Variants in RGSL1 observed in about 807,000 individuals in gnomAD.
The protein encoded by RGSL1 is regulator of G protein signaling protein-like.
A neutral mutation model predicts 124.7 loss-of-function variants in RGSL1; 97 were observed. The observed-to-expected ratio is 0.78, with a 90% CI of 0.66 to 0.92. The LOEUF (loss-of-function observed/expected upper bound fraction) is 0.92. RGSL1 is among the 40% of genes least tolerant of loss of function. The pLI is 0.00. For missense variants in RGSL1, 1,233 were observed against 1,288.4 expected, an observed-to-expected ratio of 0.96 and a Z score of 0.66; for synonymous variants, 424 against 438.1, an observed-to-expected ratio of 0.97 and a Z score of 0.40.
At chr1:182,539,448 A>G (rs3894192) in intron 14 of RGSL1, among the ~76,000 whole-genome samples, 78,194 of 151,404 alleles carry the variant, frequency 0.52, 20,399 homozygotes, top group Non-Finnish European at 0.55. Flanking sequence ...ATACAACACT[A>G]AACCAAAAGG....
chr1:182,453,914 T>C (rs1328694827), intron 1 of RGSL1, 44 bp from the exon 2 acceptor site: 6 of 1,076,670 alleles, frequency 5.6e-6, no homozygotes, highest in Non-Finnish European at 8.3e-6. Context: ...CTGAATGCAA[T>C]TCTGGTTCAT....
chr1:182,529,983 A>G (rs1659043213), intron 11 of RGSL1, among the ~76,000 whole-genome samples: 1 of 152,162 alleles, frequency 6.6e-6, no homozygotes, highest in South Asian at 2.1e-4. Context: ...TCCTTTAAAA[A>G]TGTATTTCCC....
intron 1 of RGSL1, among the ~76,000 whole-genome samples, chr1:182,452,579 A>G (rs1170948703): frequency 2.2e-4 from 33 of 151,656 alleles, no homozygotes; most frequent in Admixed American, 2.2e-3. Context: ...CAGCCTCCCA[A>G]GTAGTTGGGA....
In RGSL1 at chr1:182,459,945, A is replaced by AT. The variant is rs202209682; in HGVS notation, c.172-52dup. The stretch of plus-strand genomic sequence containing the variant: ...GATTAGTTGCCACTTACTAAGTTGT[A>AT]TTTTTTTAGCAGTTCGGTTTCACTT... On this transcript the variant is annotated intron_variant, in intron 3 of 21. Coordinates refer to ENST00000294854, the MANE Select transcript of RGSL1 (RefSeq NM_001137669.2). 1,619 of 1,524,706 alleles carry AT rather than the reference A, an allele frequency of 1.1e-3. 16 individuals carry two copies. In the African/African-American group the frequency reaches 0.017, roughly 16 times the overall value. The allele number at this position is 1,524,706 out of a possible 1,614,324, so 94.4% of individuals were successfully genotyped here.
rs754985396 is a variant in RGSL1 at position 182,548,399 on chromosome 1, A to G, written c.2752A>G (p.Lys918Glu). 10 of 1,551,772 alleles carry G rather than the reference A, an allele frequency of 6.4e-6. No individual in the cohort carries two copies. The highest frequency in any genetic ancestry group is 8.7e-6 in the Non-Finnish European group (10 of 1,147,024). ...GAATGATGTGATCCTAATGCGGTCC[A>G]AAATGAACATTATCCAAAAACTCTT... ...NENDVILMRS[K>E]MNIIQKLFLN... is the part of the protein sequence containing the mutation. The change falls in exon 16 of 22, where the codon AAA becomes GAA. Residue 918 changes from lysine (K) to glutamate (E), a missense_variant. Coordinates refer to ENST00000294854, the MANE Select transcript of RGSL1 (RefSeq NM_001137669.2).
At chr1:182,532,814 C>A in intron 14 of RGSL1, 23 bp downstream of exon 14, 1 of 1,543,210 alleles carries the variant, frequency 6.5e-7, no homozygotes, top group South Asian at 1.2e-5. Flanking sequence ...TGTATTTACC[C>A]CCACTCCCTG....
rs1164975135 is a variant in RGSL1, at chr1:182,489,055, A to C, written c.1570A>C (p.Lys524Gln). The change falls in exon 8 of 22, where the codon AAG becomes CAG. Residue 524 changes from lysine to glutamine, a missense_variant. By Grantham distance (53) the Lys-to-Gln change is moderately conservative. Coordinates refer to ENST00000294854, the MANE Select transcript of RGSL1 (RefSeq NM_001137669.2). ...CAAAGAAGAGAACATTCTTCTTTATAAGAGGATTCAGCAGTCTCTAGAGTT... is the reference window on the plus strand; with the variant it reads ...CAAAGAAGAGAACATTCTTCTTTATCAGAGGATTCAGCAGTCTCTAGAGTT... ...IGKEENILLY[K>Q]RIQQSLELSQ... 6.4e-7 allele frequency: 1 copy of C among 1,551,656 alleles called. No individual in the cohort carries two copies. Among genetic ancestry groups the C allele is most frequent in the East Asian group, 2.4e-5 (1 of 40,914 alleles).
upstream of RGSL1, among the ~76,000 whole-genome samples, chr1:182,448,637 C>T (rs900047179): frequency 1.3e-5 from 2 of 152,118 alleles, no homozygotes; most frequent in African/African-American, 4.8e-5. Context: ...ACGGTCCCGG[C>T]AATTTAGGTT....
chr1:182,466,039 C>T (rs266515), intron 4 of RGSL1, among the ~76,000 whole-genome samples: 13,026 of 151,972 alleles, frequency 0.086, 757 homozygotes, highest in East Asian at 0.26. Flanking sequence ...TAATATACCA[C>T]ATTAACAGAA....
intron 7 of RGSL1, 198 bp from the exon 8 acceptor site, chr1:182,488,782 T>C: frequency 2.1e-6 from 1 of 482,788 alleles, no homozygotes; most frequent in Non-Finnish European, 3.6e-6. Context: ...CACAGAAAAT[T>C]TCTTCCTTAT....
At chr1:182,528,644 A>G (rs1305326080) in intron 11 of RGSL1, among the ~76,000 whole-genome samples, 2 of 152,158 alleles carry the variant, frequency 1.3e-5, no homozygotes, top group African/African-American at 4.8e-5. Context: ...AAGTTCCAAA[A>G]TGATTTCCTT....
At chr1:182,511,657 T>C (rs1484568009) in intron 9 of RGSL1, among the ~76,000 whole-genome samples, 1 of 152,226 alleles carries the variant, frequency 6.6e-6, no homozygotes, top group Non-Finnish European at 1.5e-5. Context: ...AGCTTTGTAG[T>C]AAATTTTGAA....
rs549651132 is a variant in RGSL1 at position 182,551,592 on chromosome 1, G to A, written c.3043+383G>A. Among the ~76,000 whole-genome samples, 9 of 152,172 alleles carry A rather than the reference G, an allele frequency of 5.9e-5. No homozygotes were observed. The South Asian group carries it at 1.0e-3, about 18-fold the overall frequency. The stretch of plus-strand genomic sequence containing the variant: ...GCGTTAAGTGACAACATTAAAAACT[G>A]CATATATATAGTTTTAATGTGATAA... On this transcript the variant is annotated intron_variant, in intron 18 of 21. Coordinates refer to ENST00000294854, the MANE Select transcript of RGSL1 (RefSeq NM_001137669.2).
intron 15 of RGSL1, among the ~76,000 whole-genome samples, chr1:182,547,983 C>T (rs1660322664): frequency 6.6e-6 from 1 of 152,128 alleles, no homozygotes; most frequent in South Asian, 2.1e-4. Flanking sequence ...CTCAGGTCAG[C>T]ACAGGAGAGG....
intron 6 of RGSL1, among the ~76,000 whole-genome samples, chr1:182,481,550 A>C (rs1367699838): frequency 6.6e-6 from 1 of 152,226 alleles, no homozygotes; most frequent in Non-Finnish European, 1.5e-5. Flanking sequence ...AACTCTTCCC[A>C]AAAGTATAAG....
chr1:182,503,233 C>G (rs948147198), intron 9 of RGSL1, among the ~76,000 whole-genome samples: 1 of 152,070 alleles, frequency 6.6e-6, no homozygotes, highest in African/African-American at 2.4e-5. Flanking sequence ...TTCATGATAG[C>G]CAAGATTTGG....
At chr1:182,539,675 A>G (rs1196004137) in intron 14 of RGSL1, among the ~76,000 whole-genome samples, 3 of 152,206 alleles carry the variant, frequency 2.0e-5, no homozygotes, top group Admixed American at 2.0e-4. Flanking sequence ...GTCTTTGCAT[A>G]TAATCTAGTC....
At chr1:182,453,105 G>A (rs577090204) in intron 1 of RGSL1, among the ~76,000 whole-genome samples, 7 of 152,288 alleles carry the variant, frequency 4.6e-5, no homozygotes, top group Admixed American at 2.0e-4. Flanking sequence ...TGGGGTCTCC[G>A]TGTTTGGCTT....
intron 4 of RGSL1, among the ~76,000 whole-genome samples, chr1:182,462,184 T>A (rs931642458): frequency 1.3e-5 from 2 of 152,134 alleles, no homozygotes; most frequent in African/African-American, 2.4e-5. Context: ...TCAGAAACTG[T>A]GGAGTCCAGC....
Sources: allele counts gnomAD v4.1 joint callset (sites outside exome capture counted in the v4.1 genomes callset), GRCh38; gene constraint gnomAD v4.1.1; transcripts MANE v1.5; gene names NCBI Gene and HGNC (gene_info 2026-07-23, HGNC 2026-07-21).